The following TXNRD3 variants were observed in gnomAD, a reference collection of about 807,000 sequenced individuals.
TXNRD3 encodes the protein TXNRD3 neighbor gene protein.
In TXNRD3, 68 loss-of-function variants were observed where a neutral mutation model predicts 78.2. The ratio of observed to expected loss-of-function variants is 0.87; its 90% confidence interval spans 0.72 to 1.06. The LOEUF (loss-of-function observed/expected upper bound fraction) is 1.06, where lower values mean the gene tolerates loss of function less well. Ranked by LOEUF, TXNRD3 falls within the 50% of genes least tolerant of loss-of-function variation. The probability of loss-of-function intolerance (pLI) is 0.00; values close to 1 mark genes in which losing one functional copy is unlikely to be tolerated. For synonymous variants in TXNRD3, 296 were observed against 300.1 expected, an observed-to-expected ratio of 0.99 and a Z score of 0.14; for missense variants, 751 against 809.5, an observed-to-expected ratio of 0.93 and a Z score of 0.88.
At chr3:126,623,960 A>C (rs1576285582) in intron 10 of TXNRD3, among the ~76,000 whole-genome samples, 1 of 152,230 alleles carries the variant, frequency 6.6e-6, no homozygotes, top group East Asian at 1.9e-4. Flanking sequence ...CAATATAAAA[A>C]AAACTGTATT....
chr3:126,649,289 A>C (rs1392508526), intron 1 of TXNRD3, among the ~76,000 whole-genome samples: 1 of 152,266 alleles, frequency 6.6e-6, no homozygotes, highest in Non-Finnish European at 1.5e-5. Context: ...TCAAAACCAC[A>C]ATAATACTTC....
chr3:126,640,094 C>CTTTT lies in TXNRD3; in HGVS notation c.712+1934_712+1937dup, dbSNP rs747114940. Among the ~76,000 whole-genome samples, 21 of 14,306 alleles carry CTTTT rather than the reference C, an allele frequency of 1.5e-3. 2 individuals carry two copies. The highest frequency in any genetic ancestry group is 4.2e-3 in the Admixed American group (3 of 722). The allele number at this position is 14,306 out of a possible 152,430, so 9.4% of individuals were successfully genotyped here. ...AATAAACCAAAGCTGCTTGTGTTTT[C>CTTTT]TTTTTTTTTTTTTTTTTTTTTTTTT... On this transcript the variant is annotated intron_variant, in intron 6 of 15. Transcript: ENST00000524230.
rs1933484430 is a variant in TXNRD3, at chr3:126,655,070, G to C, written c.-80C>G. 7.7e-7 allele frequency: 1 copy of C among 1,298,534 alleles called. No homozygotes were observed. The highest frequency in any genetic ancestry group is 9.8e-7 in the Non-Finnish European group (1 of 1,024,478). 80.4% of individuals were successfully genotyped at this position (1,298,534 alleles called of 1,614,324 possible). ...CGGCTGCGGCGCCGGGACGGGGCCT[G>C]AGGGGCGGCGAACGCTGCCCTCGCT... On this transcript the variant is annotated 5_prime_UTR_variant, in exon 1 of 16. Coordinates refer to ENST00000524230, the MANE Select transcript of TXNRD3 (RefSeq NM_052883.3).
chr3:126,609,619 C>G (rs1167537631), intron 14 of TXNRD3, among the ~76,000 whole-genome samples: 1 of 152,166 alleles, frequency 6.6e-6, no homozygotes, highest in African/African-American at 2.4e-5. Context: ...AAGAAATAGG[C>G]ATGTGGCCAG....
Position 126,646,136 on chromosome 3 carries a change from AC to A in TXNRD3, c.388del (p.Val130Ter). The stretch of plus-strand genomic sequence containing the variant: ...CTGGAAAGTTTGGTCACATCCACCT[AC>A]ATGCACTTTATTCACGAAAATATTG... On this transcript the variant is annotated frameshift_variant, in exon 3 of 16. Transcript: ENST00000524230. LOFTEE classifies it high-confidence loss of function. 6.5e-7 allele frequency: 1 copy of A among 1,532,790 alleles called. No individual in the cohort carries two copies. The highest frequency in any genetic ancestry group is 8.7e-7 in the Non-Finnish European group (1 of 1,145,614). 94.9% of individuals were successfully genotyped at this position (1,532,790 alleles called of 1,614,324 possible).
intron 12 of TXNRD3, among the ~76,000 whole-genome samples, chr3:126,616,055 A>G (rs1938312340): frequency 6.6e-6 from 1 of 152,190 alleles, no homozygotes; most frequent in Admixed American, 6.5e-5. Flanking sequence ...TCTATAGTCC[A>G]GGGGTTAAGA....
At chr3:126,648,955 G>A (rs112982308) in intron 1 of TXNRD3, among the ~76,000 whole-genome samples, 10 of 152,220 alleles carry the variant, frequency 6.6e-5, no homozygotes, top group African/African-American at 2.4e-4. Flanking sequence ...AGTGCATTTT[G>A]ATCACACCTG....
chr3:126,617,535 T>C (rs1938344966), intron 12 of TXNRD3, among the ~76,000 whole-genome samples: 1 of 152,142 alleles, frequency 6.6e-6, no homozygotes, highest in African/African-American at 2.4e-5. Context: ...GCATTCCTCA[T>C]GGAGAATCCG....
At chr3:126,648,459 C>T (rs529621021) in intron 1 of TXNRD3, among the ~76,000 whole-genome samples, 1 of 152,220 alleles carries the variant, frequency 6.6e-6, no homozygotes, top group East Asian at 1.9e-4. Flanking sequence ...TACAAAGATA[C>T]AGTAATCAAA....
At position 126,654,736 on chromosome 3, in the gene TXNRD3, G is replaced by A. The variant is rs749816814; in HGVS notation, c.243+12C>T. On this transcript the variant is annotated intron_variant, in intron 1 of 15. Transcript: ENST00000524230. The stretch of plus-strand genomic sequence containing the variant: ...GGTCGCGCGCGGTGGAACCGGCGAG[G>A]GCCGCGCCTACCCGAGTACTATGGG... The A allele has an allele frequency of 2.3e-6, 3 of 1,320,286 alleles. No homozygotes were observed. The highest frequency in any genetic ancestry group is 3.3e-5 in the East Asian group (1 of 30,222). 81.8% of individuals were successfully genotyped at this position (1,320,286 alleles called of 1,614,324 possible).
At chr3:126,620,368 C>T (rs1938422960) in intron 12 of TXNRD3, among the ~76,000 whole-genome samples, 1 of 150,390 alleles carries the variant, frequency 6.6e-6, no homozygotes, top group Non-Finnish European at 1.5e-5. Flanking sequence ...TATTATAGTA[C>T]TTTTGTTGAA....
chr3:126,652,735 C>T (rs1003897930), intron 1 of TXNRD3, among the ~76,000 whole-genome samples: 3 of 152,160 alleles, frequency 2.0e-5, no homozygotes, highest in Admixed American at 6.5e-5. Context: ...GTTTGGATCC[C>T]GCCTAACACC....
chr3:126,608,684 A>C (rs1938121921), intron 14 of TXNRD3, 51 bp from the exon 15 acceptor site: 1 of 1,498,174 alleles, frequency 6.7e-7, no homozygotes, highest in Middle Eastern at 1.7e-4. Context: ...AATGGTCTGA[A>C]TATGGATCCA....
intron 2 of TXNRD3, among the ~76,000 whole-genome samples, chr3:126,647,013 TCCTC>T (rs1316696673): frequency 6.6e-6 from 1 of 152,114 alleles, no homozygotes; most frequent in Admixed American, 6.5e-5. Flanking sequence ...TTATATATCT[TCCTC>T]CCACTCCCTT....
chr3:126,653,317 C>T (rs1485945026), intron 1 of TXNRD3, among the ~76,000 whole-genome samples: 1 of 151,992 alleles, frequency 6.6e-6, no homozygotes, highest in Non-Finnish European at 1.5e-5. Flanking sequence ...GTATACATAA[C>T]CAAAGAATAA....
At chr3:126,639,441 T>G (rs1933000115) in intron 6 of TXNRD3, among the ~76,000 whole-genome samples, 1 of 152,168 alleles carries the variant, frequency 6.6e-6, no homozygotes, top group Non-Finnish European at 1.5e-5. Flanking sequence ...GTGCTGTGCC[T>G]CTCACACCCA....
chr3:126,642,290 G>A (rs1254688508), intron 5 of TXNRD3, 139 bp from the exon 6 acceptor site: 2 of 1,133,426 alleles, frequency 1.8e-6, no homozygotes, highest in East Asian at 5.5e-5. Context: ...AGACACAAGG[G>A]ATTAACCCAA....
intron 6 of TXNRD3, among the ~76,000 whole-genome samples, chr3:126,641,453 A>G (rs1020732299): frequency 1.3e-5 from 2 of 152,102 alleles, no homozygotes; most frequent in Non-Finnish European, 2.9e-5. Context: ...CCTTGTCTGA[A>G]GAGCTTTCCC....
chr3:126,633,466 AATAT>A (rs1281133069), intron 7 of TXNRD3, among the ~76,000 whole-genome samples: 4 of 152,210 alleles, frequency 2.6e-5, no homozygotes. Flanking sequence ...TTAATCTAAT[AATAT>A]ATAAATATTA....
Sources: allele counts gnomAD v4.1 joint callset (sites outside exome capture counted in the v4.1 genomes callset), GRCh38; gene constraint gnomAD v4.1.1; transcripts MANE v1.5; gene names NCBI Gene and HGNC (gene_info 2026-07-23, HGNC 2026-07-21).